Variants in PACSIN2 observed in about 807,000 individuals in gnomAD.
The protein encoded by PACSIN2 is protein kinase C and casein kinase substrate in neurons protein 2.
In PACSIN2, 25 loss-of-function variants were observed where a neutral mutation model predicts 63.8. That is an observed-to-expected ratio of 0.39 (90% confidence interval 0.29 to 0.55). PACSIN2 has a LOEUF of 0.55. Among genes scored for constraint, PACSIN2 ranks in the 20% least tolerant of loss-of-function variants. PACSIN2 has a pLI of 0.62. For synonymous variants in PACSIN2, 255 were observed against 256.2 expected (o/e 1.00, Z 0.05); for missense variants, 518 against 646.9 (o/e 0.80, Z 2.16).
chr22:42,932,492 T>A (rs1242870650), intron 1 of PACSIN2, among the ~76,000 whole-genome samples: 1 of 152,202 alleles, frequency 6.6e-6, no homozygotes, highest in African/African-American at 2.4e-5. Context: ...CTAACATTTG[T>A]TGAAACTGAC....
chr22:43,012,467 A>G (rs1924566821), intron 1 of PACSIN2, among the ~76,000 whole-genome samples: 2 of 151,996 alleles, frequency 1.3e-5, no homozygotes, highest in African/African-American at 4.8e-5. Context: ...ATTTTTTTTA[A>G]ATATATGCAT....
intron 1 of PACSIN2, among the ~76,000 whole-genome samples, chr22:42,975,457 A>AATATATATATATATATATATATATATAT (rs57140073): frequency 4.8e-4 from 68 of 140,704 alleles, no homozygotes; most frequent in African/African-American, 1.6e-3. Context: ...AATATATACA[A>AATATATATATATATATATATATATATAT]ATATATATAT....
chr22:42,984,157 A>C (rs1922445899), intron 1 of PACSIN2, among the ~76,000 whole-genome samples: 1 of 151,962 alleles, frequency 6.6e-6, no homozygotes, highest in South Asian at 2.1e-4. Context: ...TTTTTTGTAG[A>C]GACGGAGTTT....
intron 1 of PACSIN2, among the ~76,000 whole-genome samples, chr22:42,989,645 A>G (rs1201143394): frequency 6.6e-6 from 1 of 151,592 alleles, no homozygotes; most frequent in Non-Finnish European, 1.5e-5. Flanking sequence ...AAATACAAAA[A>G]AAATTAGCTG....
chr22:42,899,787 G>A (rs1442449787), intron 2 of PACSIN2, among the ~76,000 whole-genome samples: 5 of 152,228 alleles, frequency 3.3e-5, no homozygotes, highest in African/African-American at 9.6e-5. Context: ...GCAGTGCAGC[G>A]GGAGGAAGGA....
intron 5 of PACSIN2, among the ~76,000 whole-genome samples, chr22:42,887,880 C>A (rs2146661811): frequency 6.6e-6 from 1 of 152,292 alleles, no homozygotes; most frequent in South Asian, 2.1e-4. Flanking sequence ...GCCACAGTGC[C>A]TGGTCACGGT....
intron 2 of PACSIN2, among the ~76,000 whole-genome samples, chr22:42,902,018 GCGT>G (rs1930725349): frequency 6.6e-6 from 1 of 152,208 alleles, no homozygotes; most frequent in Non-Finnish European, 1.5e-5. Flanking sequence ...CCATTTCTGA[GCGT>G]CTGGCAACAC....
At chr22:43,013,770 T>C (rs1437650662) in intron 1 of PACSIN2, among the ~76,000 whole-genome samples, 1 of 152,250 alleles carries the variant, frequency 6.6e-6, no homozygotes, top group Non-Finnish European at 1.5e-5. Flanking sequence ...GCTGGTTTCC[T>C]GATTTTCATC....
At chr22:42,896,759 T>C (rs1257529567) in intron 2 of PACSIN2, among the ~76,000 whole-genome samples, 1 of 152,258 alleles carries the variant, frequency 6.6e-6, no homozygotes, top group Admixed American at 6.5e-5. Flanking sequence ...CTGTCCTGCA[T>C]GCTCCCAGCA....
At chr22:42,921,778 GC>G (rs1389084792) in intron 1 of PACSIN2, among the ~76,000 whole-genome samples, 6 of 147,520 alleles carry the variant, frequency 4.1e-5, no homozygotes, top group Non-Finnish European at 7.5e-5. Flanking sequence ...CTTTGTCATT[GC>G]CCAGGCTGGA....
intron 1 of PACSIN2, among the ~76,000 whole-genome samples, chr22:43,014,536 T>G (rs1347982518): frequency 1.3e-5 from 2 of 151,790 alleles, no homozygotes. Context: ...CCCTCCAGCG[T>G]TGCTCCGGCA....
intron 1 of PACSIN2, among the ~76,000 whole-genome samples, chr22:42,975,457 A>AATATATATATATATATAT (rs57140073): frequency 4.9e-4 from 69 of 140,738 alleles, no homozygotes; most frequent in South Asian, 2.0e-3. Flanking sequence ...AATATATACA[A>AATATATATATATATATAT]ATATATATAT....
chr22:42,929,798 A>T (rs1191671148), intron 1 of PACSIN2, among the ~76,000 whole-genome samples: 24 of 152,200 alleles, frequency 1.6e-4, no homozygotes, highest in Admixed American at 1.6e-3. Context: ...CTTCTCCCTC[A>T]AACAGCCTCC....
chr22:42,955,549 A>G (rs1281503931), intron 1 of PACSIN2, among the ~76,000 whole-genome samples: 1 of 152,148 alleles, frequency 6.6e-6, no homozygotes, highest in African/African-American at 2.4e-5. Flanking sequence ...TTTCATCATC[A>G]TGACAACTTC....
At chr22:42,959,628 T>C (rs1369089115) in intron 1 of PACSIN2, 2 of 152,224 alleles carry the variant, frequency 1.3e-5, no homozygotes, top group Non-Finnish European at 2.9e-5. Flanking sequence ...CAGTTAATAA[T>C]GAACTAATTG....
chr22:42,957,304 A>T (rs908643679), intron 1 of PACSIN2, among the ~76,000 whole-genome samples: 23 of 152,254 alleles, frequency 1.5e-4, no homozygotes, highest in African/African-American at 5.3e-4. Flanking sequence ...TACAATTAAC[A>T]TATTTATGAA....
rs762537972 is a variant in PACSIN2 at position 42,893,568 on chromosome 22, G to A, written c.106C>T (p.Arg36Cys). The change falls in exon 3 of 11, where the codon CGC becomes TGC. Residue 36 changes from arginine (R) to cysteine (C), a missense_variant. This residue lies in a region of PACSIN2 where 507 missense variants were observed against 612.3 expected (regional missense o/e 0.83). Transcript: ENST00000263246. ...CAGTTCATGAGGTCGCTGCACAGGC[G>A]GTGGCCATCGTCGATCCGCTTCACA... ...RTVKRIDDGH[R>C]LCSDLMNCLH... is the part of the protein sequence containing the mutation. The A allele has an allele frequency of 4.3e-6, 7 of 1,614,124 alleles. No individual in the cohort carries two copies. Among genetic ancestry groups the A allele is most frequent in the Middle Eastern group, 1.6e-4 (1 of 6,062 alleles).
intron 1 of PACSIN2, among the ~76,000 whole-genome samples, chr22:42,936,608 C>T (rs769636850): frequency 2.0e-5 from 3 of 152,046 alleles, no homozygotes; most frequent in Non-Finnish European, 2.9e-5. Context: ...TATATCAAAG[C>T]AGAAATAAAG....
rs191905311 is a variant in PACSIN2 at position 42,901,541 on chromosome 22, G to A, written c.61-7928C>T. ...TGTAACTTTGTACAAGTCCCTCTCC[G>A]TATATTTCTGCCCTTTCAGTTGTCA... On this transcript the variant is annotated intron_variant, in intron 2 of 10. Coordinates refer to ENST00000263246, the MANE Select transcript of PACSIN2 (RefSeq NM_001184970.3). 1.1e-4 allele frequency among the ~76,000 whole-genome samples: 16 copies of A among 152,284 alleles called. No homozygotes were observed. In the East Asian group the frequency reaches 1.9e-3, roughly 18 times the overall value.
Sources: allele counts gnomAD v4.1 joint callset (sites outside exome capture counted in the v4.1 genomes callset), GRCh38; gene constraint gnomAD v4.1.1; regional missense constraint gnomAD v4.1.1; transcripts MANE v1.5; gene names NCBI Gene and HGNC (gene_info 2026-07-23, HGNC 2026-07-21).